Variants in MLLT10 observed in about 807,000 individuals in gnomAD.
MLLT10 encodes the protein protein AF-10.
In MLLT10, 30 loss-of-function variants were observed where a neutral mutation model predicts 129.1. The observed-to-expected ratio is 0.23, with a 90% CI of 0.17 to 0.32. MLLT10 has a LOEUF of 0.32. Among genes scored for constraint, MLLT10 ranks in the 10% least tolerant of loss-of-function variants. The probability of loss-of-function intolerance (pLI) is 1.00; values close to 1 mark genes in which losing one functional copy is unlikely to be tolerated. For missense variants in MLLT10, 1,119 were observed against 1,268.3 expected, an observed-to-expected ratio of 0.88 and a Z score of 1.79; for synonymous variants, 490 against 446.4, an observed-to-expected ratio of 1.10 and a Z score of -1.23.
chr10:21,537,121 C>T (rs75357587), intron 2 of MLLT10, among the ~76,000 whole-genome samples: 10 of 152,060 alleles, frequency 6.6e-5, no homozygotes, highest in African/African-American at 1.7e-4. Context: ...GGGATCTGCC[C>T]GCCTTAGCCT....
Position 21,732,890 on chromosome 10 carries a change from G to GT in MLLT10, c.2219-8dup. On this transcript the variant is annotated splice_polypyrimidine_tract_variant and intron_variant, in intron 17 of 22. Transcript: ENST00000307729. ...TGTCATTATTAAAAACTATCCAAAT[G>GT]TGTGGTAGTTTTAGGAATGCTGAAG... 6.2e-7 allele frequency: 1 copy of GT among 1,610,254 alleles called. No homozygotes were observed. Among genetic ancestry groups the GT allele is most frequent in the Non-Finnish European group, 8.5e-7 (1 of 1,177,764 alleles).
At chr10:21,725,499 A>G (rs1449297856) in intron 14 of MLLT10, among the ~76,000 whole-genome samples, 2 of 152,062 alleles carry the variant, frequency 1.3e-5, no homozygotes, top group Non-Finnish European at 2.9e-5. Context: ...CGGGTGGATC[A>G]CCTGAGGTCA....
intron 5 of MLLT10, among the ~76,000 whole-genome samples, chr10:21,608,466 C>T (rs1231482909): frequency 1.3e-5 from 2 of 151,954 alleles, no homozygotes; most frequent in Admixed American, 6.6e-5. Context: ...TGTGAGTTAC[C>T]ACTCCTAGCC....
intron 3 of MLLT10, among the ~76,000 whole-genome samples, chr10:21,565,748 C>T (rs554143131): frequency 1.4e-3 from 214 of 151,598 alleles, no homozygotes; most frequent in African/African-American, 4.3e-3. Context: ...TGGGACCACA[C>T]GTGTGCACCA....
chr10:21,580,313 T>C (rs2041265795), intron 3 of MLLT10, among the ~76,000 whole-genome samples: 2 of 152,136 alleles, frequency 1.3e-5, no homozygotes, highest in Admixed American at 1.3e-4. Context: ...ACGGAAATGG[T>C]ATAATTTGGA....
At chr10:21,595,201 A>G in intron 4 of MLLT10, 130 bp from the exon 5 acceptor site, 2 of 591,830 alleles carry the variant, frequency 3.4e-6, no homozygotes, top group Non-Finnish European at 5.7e-6. Context: ...TAAGACAGCA[A>G]TGAGAATTTG....
At chr10:21,632,097 A>G (rs958091528) in intron 8 of MLLT10, among the ~76,000 whole-genome samples, 1 of 152,180 alleles carries the variant, frequency 6.6e-6, no homozygotes, top group Non-Finnish European at 1.5e-5. Context: ...GCTTGCTTAA[A>G]TAAATAACTT....
At chr10:21,733,198 A>T in intron 18 of MLLT10, 111 bp downstream of exon 18, 4 of 1,121,912 alleles carry the variant, frequency 3.6e-6, no homozygotes, top group Non-Finnish European at 4.9e-6. Context: ...TAGAAAAGGA[A>T]CTATAGGTTG....
intron 8 of MLLT10, chr10:21,624,662 T>G (rs1466672920): frequency 7.6e-6 from 11 of 1,453,242 alleles, no homozygotes; most frequent in Non-Finnish European, 1.1e-5. Flanking sequence ...GTTACCAGAA[T>G]AGTCACCACC....
intron 8 of MLLT10, among the ~76,000 whole-genome samples, chr10:21,627,877 C>T (rs534179737): frequency 7.9e-5 from 12 of 152,136 alleles, no homozygotes; most frequent in East Asian, 3.8e-4. Flanking sequence ...CATCTTCCAC[C>T]GAATACCTAG....
chr10:21,651,408 C>G (rs1173895372), intron 8 of MLLT10, among the ~76,000 whole-genome samples: 7 of 152,002 alleles, frequency 4.6e-5, no homozygotes, highest in African/African-American at 1.7e-4. Flanking sequence ...GTATATTTTG[C>G]TGAATGTAAA....
At chr10:21,739,552 C>A (rs974244925) in intron 21 of MLLT10, among the ~76,000 whole-genome samples, 1 of 152,174 alleles carries the variant, frequency 6.6e-6, no homozygotes, top group Non-Finnish European at 1.5e-5. Flanking sequence ...CAATGTGTTT[C>A]AAGCACCAAA....
rs776530271 is a variant in MLLT10, at chr10:21,713,812, TGTA to T, written c.1744_1746del (p.Val582del). ...ATGATGTAGCAGTATCGTTTCCAAA[TGTA>T]GTATCTGGCTCGGGATCTAGTACTC... is the stretch of plus-strand genomic sequence containing the variant. On this transcript the variant is annotated inframe_deletion, in exon 14 of 23. Transcript: ENST00000307729. 5.0e-5 allele frequency: 81 copies of T among 1,613,714 alleles called. No individual in the cohort carries two copies. Among genetic ancestry groups the T allele is most frequent in the Admixed American group, 1.5e-4 (9 of 59,942 alleles).
chr10:21,735,071 C>T, intron 20 of MLLT10, 68 bp from the exon 21 acceptor site: 1 of 1,164,998 alleles, frequency 8.6e-7, no homozygotes, highest in East Asian at 2.4e-5. Context: ...AGTTGTCTTT[C>T]ATTTTTAGAC....
chr10:21,645,086 TATAA>T (rs2048354790), intron 8 of MLLT10, among the ~76,000 whole-genome samples: 1 of 152,212 alleles, frequency 6.6e-6, no homozygotes, highest in Non-Finnish European at 1.5e-5. Flanking sequence ...GGTAGGAACA[TATAA>T]AATCACCTCT....
In MLLT10 at chr10:21,742,609, ATTTTC is replaced by A. The variant is rs1431373259; in HGVS notation, c.*631_*635del. 2 of 220,828 alleles carry A rather than the reference ATTTTC, an allele frequency of 9.1e-6. No individual in the cohort carries two copies. The highest frequency in any genetic ancestry group is 1.8e-5 in the Non-Finnish European group (2 of 110,460). 13.7% of individuals were successfully genotyped at this position (220,828 alleles called of 1,614,324 possible). On this transcript the variant is annotated 3_prime_UTR_variant, in exon 23 of 23. Coordinates refer to ENST00000307729, the MANE Select transcript of MLLT10 (RefSeq NM_001195626.3). ...GTAATGTCTGCATCTGCTAAAGGTA[ATTTTC>A]TTTTGAGAATTGCTTTCTTTAGTGT...
At chr10:21,563,161 A>G (rs2039079157) in intron 3 of MLLT10, among the ~76,000 whole-genome samples, 1 of 152,046 alleles carries the variant, frequency 6.6e-6, no homozygotes, top group East Asian at 1.9e-4. Context: ...AGTCATAACC[A>G]CTAAGGTATT....
intron 13 of MLLT10, among the ~76,000 whole-genome samples, chr10:21,684,236 G>GT (rs2053050252): frequency 6.6e-6 from 1 of 152,046 alleles, no homozygotes; most frequent in Non-Finnish European, 1.5e-5. Flanking sequence ...GTCCTTGATT[G>GT]TTTTTTCTCA....
intron 3 of MLLT10, among the ~76,000 whole-genome samples, chr10:21,539,510 ACAC>A (rs2034707355): frequency 1.3e-5 from 2 of 150,534 alleles, no homozygotes; most frequent in Admixed American, 6.7e-5. Flanking sequence ...GCAGTGGTTC[ACAC>A]CTGTAATCCC....
Sources: gnomAD v4.1 joint callset for allele counts (sites outside exome capture counted in the v4.1 genomes callset) on GRCh38, gnomAD v4.1.1 for gene constraint, MANE v1.5 for transcripts, NCBI Gene and HGNC (gene_info 2026-07-23, HGNC 2026-07-21) for gene names.